Variants in NRXN2 observed in about 807,000 individuals in gnomAD.
NRXN2 encodes neurexin-2-beta.
In NRXN2, 29 loss-of-function variants were observed where a neutral mutation model predicts 128.8. That is an observed-to-expected ratio of 0.23 (90% CI 0.17 to 0.31). NRXN2 has a LOEUF of 0.31. Among genes scored for constraint, NRXN2 ranks in the 10% least tolerant of loss-of-function variants. The pLI, the probability that NRXN2 is intolerant of heterozygous loss-of-function variation, is 1.00. For synonymous variants in NRXN2, 1,098 were observed against 1,075.2 expected, an observed-to-expected ratio of 1.02 and a Z score of -0.41; for missense variants, 1,881 against 2,452.6, an observed-to-expected ratio of 0.77 and a Z score of 4.92.
At chr11:64,650,700 G>T in intron 14 of NRXN2, 62 bp from the exon 15 acceptor site, 2 of 1,509,926 alleles carry the variant, frequency 1.3e-6, no homozygotes, top group South Asian at 1.1e-5. Context: ...AAGGTGGGGT[G>T]AGGAGGAGCT....
At chr11:64,685,997 A>G (rs2052993823) in intron 5 of NRXN2, 50 bp from the exon 6 acceptor site, 1 of 1,602,532 alleles carries the variant, frequency 6.2e-7, no homozygotes, top group African/African-American at 1.3e-5. Context: ...GGGGCAGGGT[A>G]CACCAGTGCT....
At position 64,667,499 on chromosome 11, in the gene NRXN2, T is replaced by C. The variant is rs1591967117; in HGVS notation, c.1549A>G (p.Ile517Val). 1.9e-6 allele frequency: 3 copies of C among 1,613,914 alleles called. No individual in the cohort carries two copies. The highest frequency in any genetic ancestry group is 1.7e-5 in the Admixed American group (1 of 60,018). The change falls in exon 9 of 23, where the codon ATC (isoleucine) becomes GTC (valine). Residue 517 changes from isoleucine to valine, a missense_variant. Coordinates refer to ENST00000265459, the MANE Select transcript of NRXN2 (RefSeq NM_015080.4). This position sits in a 1 kb window ranked among gnomAD's most constrained non-coding sequence, Gnocchi z 5.6. Reference protein sequence around the residue: ...PRWSAKRTGSISLDFRTTEPN... With the variant: ...PRWSAKRTGSVSLDFRTTEPN... ...TCGGTGGTGCGGAAGTCTAGGGAGATGGAGCCAGTGCGCTTAGCGCTCCAG... is the reference window on the plus strand; with the variant it reads ...TCGGTGGTGCGGAAGTCTAGGGAGACGGAGCCAGTGCGCTTAGCGCTCCAG...
intron 22 of NRXN2, among the ~76,000 whole-genome samples, chr11:64,610,539 T>C (rs2040460000): frequency 6.6e-6 from 1 of 152,142 alleles, no homozygotes; most frequent in Non-Finnish European, 1.5e-5. Flanking sequence ...AGAACACCTG[T>C]TCTGTCACTG....
In NRXN2 at chr11:64,614,252, C is replaced by T. The variant is rs116844854; in HGVS notation, c.4252+6042G>A. Among the ~76,000 whole-genome samples, 925 of 152,338 alleles carry T rather than the reference C, an allele frequency of 6.1e-3. 11 individuals are homozygous for T. Among genetic ancestry groups the T allele is most frequent in the Middle Eastern group, 0.02 (6 of 294 alleles). ...AGATTTAGGGGTTGCCCCCCGCCCC[C>T]GCAACCTCCCACCTATTGTTTCAAA... On this transcript the variant is annotated intron_variant, in intron 22 of 22. Transcript: ENST00000265459.
intron 6 of NRXN2, among the ~76,000 whole-genome samples, chr11:64,683,214 G>A (rs934272770): frequency 3.9e-5 from 6 of 152,134 alleles, no homozygotes; most frequent in African/African-American, 1.4e-4. Context: ...CTTGCTCCTG[G>A]CCCACAAAAC....
intron 22 of NRXN2, among the ~76,000 whole-genome samples, chr11:64,615,829 CGTGTGT>C (rs34781745): frequency 0.1 from 14,379 of 138,996 alleles, 1,810 homozygotes; most frequent in African/African-American, 0.31. Context: ...TAGGCCCAAG[CGTGTGT>C]GTGTGTGTGT....
At chr11:64,721,608 G>A (rs1400602659) in intron 1 of NRXN2, among the ~76,000 whole-genome samples, 1 of 152,116 alleles carries the variant, frequency 6.6e-6, no homozygotes, top group East Asian at 1.9e-4. Flanking sequence ...CTCACAGTTA[G>A]CAGACTGCAG....
chr11:64,685,397 C>T (rs1401996962), intron 6 of NRXN2, among the ~76,000 whole-genome samples: 1 of 152,158 alleles, frequency 6.6e-6, no homozygotes, highest in Non-Finnish European at 1.5e-5. Context: ...CAGTCCTTCC[C>T]CTGCCCTCAG....
chr11:64,688,487 T>G, intron 5 of NRXN2: 1 of 985,300 alleles, frequency 1.0e-6, no homozygotes, highest in Non-Finnish European at 1.2e-6. Context: ...GTGGAGGGAT[T>G]CTACTGGGGT....
At chr11:64,616,576 C>T (rs373652547) in intron 22 of NRXN2, among the ~76,000 whole-genome samples, 4 of 152,098 alleles carry the variant, frequency 2.6e-5, no homozygotes, top group Non-Finnish European at 5.9e-5. Context: ...AGTCCGAGGG[C>T]GTGTCACAAG....
In NRXN2 at chr11:64,606,858, C is replaced by G. The variant is rs1217153830; in HGVS notation, c.*338G>C. On this transcript the variant is annotated 3_prime_UTR_variant, in exon 23 of 23. Transcript: ENST00000265459. ...AACAGGACGAGCAGTGGACACTTTA[C>G]AAAACCCCCAGCCTTCCTTCCCACC... is the stretch of plus-strand genomic sequence containing the variant. The G allele has an allele frequency of 9.7e-6, 3 of 310,094 alleles. No homozygotes were observed. Among genetic ancestry groups the G allele is most frequent in the Non-Finnish European group, 1.8e-5 (3 of 165,356 alleles). The allele number at this position is 310,094 out of a possible 1,614,324, so 19.2% of individuals were successfully genotyped here.
Position 64,635,285 on chromosome 11 carries a change from G to C in NRXN2, c.3571C>G (p.Leu1191Val). 1 of 1,612,928 alleles carries C rather than the reference G, an allele frequency of 6.2e-7. No individual in the cohort carries two copies. The highest frequency in any genetic ancestry group is 8.5e-7 in the Non-Finnish European group (1 of 1,179,958). Residue 1191 changes from leucine to valine, a missense_variant, in exon 18 of 23, where the codon CTG (leucine) becomes GTG (valine). Coordinates refer to ENST00000265459, the MANE Select transcript of NRXN2 (RefSeq NM_015080.4). The surrounding 1 kb of genome is among the most constrained non-coding windows in gnomAD (Gnocchi z 4.8). The part of the protein sequence containing the change: ...VDSASGLGDY[L>V]QLHIDQGTVG... ...AGGGTCCTTACGATGTGCAGCTGCA[G>C]GTAGTCTCCAAGGCCGGAGGCGCTG...
chr11:64,658,079 G>A (rs1481183854), intron 11 of NRXN2, among the ~76,000 whole-genome samples: 1 of 152,186 alleles, frequency 6.6e-6, no homozygotes, highest in Non-Finnish European at 1.5e-5. Context: ...TCCTGACCAA[G>A]GACATTGTTT....
chr11:64,677,323 C>T (rs939684523), intron 6 of NRXN2, among the ~76,000 whole-genome samples: 3 of 152,062 alleles, frequency 2.0e-5, no homozygotes, highest in African/African-American at 4.8e-5. Context: ...ATCCCTACCC[C>T]GCCCCTCCTC....
At chr11:64,680,390 T>C (rs999162264) in intron 6 of NRXN2, among the ~76,000 whole-genome samples, 20 of 152,144 alleles carry the variant, frequency 1.3e-4, no homozygotes, top group African/African-American at 2.7e-4. Flanking sequence ...AAGCAGAACA[T>C]TGAAATGGCT....
In NRXN2 at chr11:64,714,438, C is replaced by T. The variant is rs1051556337; in HGVS notation, c.-244-495G>A. 6.6e-6 allele frequency among the ~76,000 whole-genome samples: 1 copy of T among 152,100 alleles called. No individual in the cohort carries two copies. Among genetic ancestry groups the T allele is most frequent in the Non-Finnish European group, 1.5e-5 (1 of 68,026 alleles). On this transcript the variant is annotated intron_variant, in intron 1 of 22. Coordinates refer to ENST00000265459, the MANE Select transcript of NRXN2 (RefSeq NM_015080.4). This position sits in a 1 kb window ranked among gnomAD's most constrained non-coding sequence, Gnocchi z 4.5. Reference sequence around the variant, plus strand: ...ATAATTCATTGGGATTAATTAAATGCCAATTCGTCGATGGTATCACAGGGT... The same window carrying T: ...ATAATTCATTGGGATTAATTAAATGTCAATTCGTCGATGGTATCACAGGGT...
intron 3 of NRXN2, among the ~76,000 whole-genome samples, chr11:64,697,127 T>C (rs1358779248): frequency 6.6e-6 from 1 of 152,118 alleles, no homozygotes; most frequent in Non-Finnish European, 1.5e-5. Context: ...ACCCCACCCT[T>C]GCCCTCCGAC....
At chr11:64,624,161 T>C (rs1421048843) in intron 20 of NRXN2, among the ~76,000 whole-genome samples, 1 of 152,210 alleles carries the variant, frequency 6.6e-6, no homozygotes, top group African/African-American at 2.4e-5. Flanking sequence ...TGTTAGCCTC[T>C]GGTTAGTGCC....
At chr11:64,668,315 G>A in intron 8 of NRXN2, 128 bp downstream of exon 8, 1 of 1,168,958 alleles carries the variant, frequency 8.6e-7, no homozygotes, top group Non-Finnish European at 1.2e-6. Flanking sequence ...TAAAGAGGGG[G>A]TGTCTCCCAC....
Sources: gnomAD v4.1 joint callset for allele counts (sites outside exome capture counted in the v4.1 genomes callset) on GRCh38, gnomAD v4.1.1 for gene constraint, Gnocchi (gnomAD v3.1) non-coding constraint, MANE v1.5 for transcripts, NCBI Gene and HGNC (gene_info 2026-07-23, HGNC 2026-07-21) for gene names.